Variants in ASTN1 observed in about 807,000 individuals in gnomAD.
The protein encoded by ASTN1 is astrotactin-1.
A neutral mutation model predicts 140.7 loss-of-function variants in ASTN1; 41 were observed. That is an observed-to-expected ratio of 0.29 (90% CI 0.23 to 0.38). ASTN1 has a LOEUF of 0.38. Among genes scored for constraint, ASTN1 ranks in the 10% least tolerant of loss-of-function variants. ASTN1 has a pLI of 1.00. For missense variants in ASTN1, 1,479 were observed against 1,678.8 expected, an observed-to-expected ratio of 0.88 and a Z score of 2.08; for synonymous variants, 640 against 652.2, an observed-to-expected ratio of 0.98 and a Z score of 0.29.
Position 176,934,263 on chromosome 1 carries a change from T to G in ASTN1, c.2560A>C (p.Asn854His). ...DFVALLDQFG[N>H]HYIQEAIYGF... ...TAGATAGCTTCCTGGATGTAATGGT[T>G]GCCGAACTGGTCCAACAGCGCCACA... The change falls in exon 16 of 23, where the codon AAC (asparagine) becomes CAC (histidine). Residue 854 changes from asparagine (N) to histidine (H), a missense_variant. Physicochemically the swap from Asn to His is moderately conservative, Grantham distance 68. Coordinates refer to ENST00000361833, the MANE Select transcript of ASTN1 (RefSeq NM_004319.3). 2 of 1,614,090 alleles carry G rather than the reference T, an allele frequency of 1.2e-6. No individual in the cohort carries two copies. The highest frequency in any genetic ancestry group is 1.7e-6 in the Non-Finnish European group (2 of 1,179,976).
intron 16 of ASTN1, among the ~76,000 whole-genome samples, chr1:176,933,798 C>T (rs544683640): frequency 5.3e-5 from 8 of 152,250 alleles, no homozygotes; most frequent in African/African-American, 1.4e-4. Flanking sequence ...GACTGAACCA[C>T]GCTCACTGCT....
intron 1 of ASTN1, among the ~76,000 whole-genome samples, chr1:177,125,981 T>C (rs1359145736): frequency 6.6e-6 from 1 of 152,212 alleles, no homozygotes; most frequent in East Asian, 1.9e-4. Flanking sequence ...TTCCAAGATG[T>C]TATGAACAAA....
chr1:176,950,068 A>G (rs2103117470), intron 11 of ASTN1, among the ~76,000 whole-genome samples: 1 of 152,356 alleles, frequency 6.6e-6, no homozygotes, highest in East Asian at 1.9e-4. Context: ...CCTTGTCCTC[A>G]GTAATATACT....
At chr1:176,964,107 A>T (rs1424129352) in intron 9 of ASTN1, among the ~76,000 whole-genome samples, 1 of 152,198 alleles carries the variant, frequency 6.6e-6, no homozygotes, top group Admixed American at 6.5e-5. Flanking sequence ...CAAAAGAGTG[A>T]GCTCTAGGAG....
At chr1:177,005,898 C>G (rs898924981) in intron 8 of ASTN1, among the ~76,000 whole-genome samples, 1 of 152,144 alleles carries the variant, frequency 6.6e-6, no homozygotes, top group African/African-American at 2.4e-5. Context: ...CGTGAGCCAC[C>G]GTGCCCTGCC....
intron 16 of ASTN1, among the ~76,000 whole-genome samples, chr1:176,930,553 T>C (rs1302329588): frequency 2.0e-5 from 3 of 152,120 alleles, no homozygotes; most frequent in African/African-American, 7.2e-5. Context: ...TAAAGATTTA[T>C]GAAAAGAATC....
At chr1:177,140,428 ATCT>A (rs754460791) in intron 1 of ASTN1, among the ~76,000 whole-genome samples, 22 of 152,216 alleles carry the variant, frequency 1.4e-4, no homozygotes, top group Non-Finnish European at 2.6e-4. Flanking sequence ...GAATAAAATA[ATCT>A]TCTAAGTATA....
intron 18 of ASTN1, among the ~76,000 whole-genome samples, chr1:176,886,923 G>A (rs952223152): frequency 6.6e-6 from 1 of 152,172 alleles, no homozygotes; most frequent in African/African-American, 2.4e-5. Context: ...TGTGGCTTCA[G>A]TCCCATGGCA....
At chr1:177,088,615 T>C (rs1277454113) in intron 1 of ASTN1, among the ~76,000 whole-genome samples, 2 of 152,134 alleles carry the variant, frequency 1.3e-5, no homozygotes, top group Non-Finnish European at 2.9e-5. Flanking sequence ...CTACCCTCTT[T>C]TGATAGAATA....
At chr1:176,961,321 C>T (rs549436360) in intron 9 of ASTN1, among the ~76,000 whole-genome samples, 4 of 152,260 alleles carry the variant, frequency 2.6e-5, no homozygotes, top group African/African-American at 9.6e-5. Context: ...CTCCTATGTG[C>T]AGAGCAGCTC....
rs1668583912 is a variant in ASTN1 at position 176,876,766 on chromosome 1, G to A, written c.3363-129C>T. On this transcript the variant is annotated intron_variant, in intron 20 of 22. Coordinates refer to ENST00000361833, the MANE Select transcript of ASTN1 (RefSeq NM_004319.3). ...GGACCCAGATACTCTCGTCATCCTG[G>A]GTCACGTTTACTGCCACCATCCCAG... 3.5e-6 allele frequency: 3 copies of A among 852,044 alleles called. No individual in the cohort carries two copies. In the African/African-American group the frequency reaches 5.1e-5, roughly 14 times the overall value. The allele number at this position is 852,044 out of a possible 1,614,324, so 52.8% of individuals were successfully genotyped here. A position where few individuals can be genotyped will look rare whatever the true frequency, so the allele number is the denominator to read the frequency against.
At chr1:176,893,584 G>T (rs1013357103) in intron 17 of ASTN1, among the ~76,000 whole-genome samples, 1 of 152,130 alleles carries the variant, frequency 6.6e-6, no homozygotes, top group African/African-American at 2.4e-5. Context: ...CCTCCTGTTG[G>T]TCTGGGCATT....
rs1668014772 is a variant in ASTN1, at chr1:176,862,953, T to C, written c.*1331A>G. 4 of 985,354 alleles carry C rather than the reference T, an allele frequency of 4.1e-6. No homozygotes were observed. In the African/African-American group the frequency reaches 5.2e-5, roughly 13 times the overall value. 61.0% of individuals were successfully genotyped at this position (985,354 alleles called of 1,614,324 possible). A position where few individuals can be genotyped will look rare whatever the true frequency, so the allele number is the denominator to read the frequency against. ...CAAAGGCATGGTGGCTGAAGGTGTG[T>C]GTTCAGGCCACTGAGTTGTGTGGGA... On this transcript the variant is annotated 3_prime_UTR_variant, in exon 23 of 23. Coordinates refer to ENST00000361833, the MANE Select transcript of ASTN1 (RefSeq NM_004319.3).
rs2101956753 is a variant in ASTN1 at position 177,023,494 on chromosome 1, A to C, written c.1348T>G (p.Ser450Ala). 1 of 1,612,782 alleles carries C rather than the reference A, an allele frequency of 6.2e-7. No homozygotes were observed. Among genetic ancestry groups the C allele is most frequent in the Middle Eastern group, 1.7e-4 (1 of 6,044 alleles). Residue 450 changes from serine (S) to alanine (A), a missense_variant, in exon 7 of 23, where the codon TCT (serine) becomes GCT (alanine). Coordinates refer to ENST00000361833, the MANE Select transcript of ASTN1 (RefSeq NM_004319.3). The stretch of plus-strand genomic sequence containing the variant: ...CAGGGTCCGCTGGAGTTCTGCTGAG[A>C]GAAGAGAACCACTTGGGCAGGGTTC... Reference protein sequence around the residue: ...WLNPAQVVLFSQQNSSGPWAM... With the variant: ...WLNPAQVVLFAQQNSSGPWAM...
At chr1:176,859,169 C>A (rs1477060431), downstream of ASTN1, among the ~76,000 whole-genome samples, 1 of 152,072 alleles carries the variant, frequency 6.6e-6, no homozygotes, top group African/African-American at 2.4e-5. Context: ...TTTTCCTTGT[C>A]CCAAATTGTC....
chr1:177,039,888 C>T (rs1432485513), intron 2 of ASTN1, among the ~76,000 whole-genome samples: 1 of 152,176 alleles, frequency 6.6e-6, no homozygotes, highest in Non-Finnish European at 1.5e-5. Flanking sequence ...ATGGAGCTGG[C>T]CCACTAGAAG....
intron 15 of ASTN1, among the ~76,000 whole-genome samples, chr1:176,935,113 A>C (rs1163589586): frequency 1.3e-5 from 2 of 152,164 alleles, no homozygotes; most frequent in African/African-American, 4.8e-5. Context: ...GGCCTATGGT[A>C]AATTTTCCAA....
chr1:176,967,755 C>T lies in ASTN1; in HGVS notation c.1524-2518G>A, dbSNP rs35262836. 5.5e-3 allele frequency among the ~76,000 whole-genome samples: 839 copies of T among 152,326 alleles called. 2 individuals carry two copies. Among genetic ancestry groups the T allele is most frequent in the Non-Finnish European group, 7.9e-3 (537 of 68,036 alleles). ...GACATATTTATTAAGCACACATCCA[C>T]TGTTGCTAAGTAGTTTAGGTCAAGG... On this transcript the variant is annotated intron_variant, in intron 8 of 22. Coordinates refer to ENST00000361833, the MANE Select transcript of ASTN1 (RefSeq NM_004319.3).
chr1:176,865,561 A>G (rs530131404), intron 22 of ASTN1, among the ~76,000 whole-genome samples: 1 of 152,170 alleles, frequency 6.6e-6, no homozygotes, highest in East Asian at 1.9e-4. Flanking sequence ...GAAGGAAGAC[A>G]CTCTCATTTG....
Sources: gnomAD v4.1 joint callset for allele counts (sites outside exome capture counted in the v4.1 genomes callset) on GRCh38, gnomAD v4.1.1 for gene constraint, MANE v1.5 for transcripts, NCBI Gene and HGNC (gene_info 2026-07-23, HGNC 2026-07-21) for gene names.